The following SOX5 variants were observed in gnomAD, a reference collection of about 807,000 sequenced individuals.
SOX5 encodes transcription factor SOX-5.
A neutral mutation model predicts 92.0 loss-of-function variants in SOX5; 9 were observed. That is an observed-to-expected ratio of 0.10 (90% CI 0.06 to 0.17). The LOEUF (loss-of-function observed/expected upper bound fraction) is 0.17, where lower values mean the gene tolerates loss of function less well. Among genes scored for constraint, SOX5 ranks in the 10% least tolerant of loss-of-function variants. SOX5 has a pLI of 1.00. For missense variants in SOX5, 642 were observed against 944.5 expected, an observed-to-expected ratio of 0.68 and a Z score of 4.20; for synonymous variants, 344 against 336.3, an observed-to-expected ratio of 1.02 and a Z score of -0.25.
intron 3 of SOX5, among the ~76,000 whole-genome samples, chr12:24,253,972 C>G (rs1270329173): frequency 1.3e-5 from 2 of 152,080 alleles, no homozygotes; most frequent in Non-Finnish European, 1.5e-5. Context: ...ATAGTAAGTA[C>G]CTCACTGTTT....
At chr12:24,410,485 T>C (rs369648389) in intron 1 of SOX5, among the ~76,000 whole-genome samples, 207 of 152,348 alleles carry the variant, frequency 1.4e-3, no homozygotes, top group Non-Finnish European at 2.5e-3. Flanking sequence ...TTTGCATAAG[T>C]TATAAGACGT....
At position 24,179,488 on chromosome 12, in the gene SOX5, C is replaced by G. The variant is rs146343899; in HGVS notation, c.-2+33855G>C. Among the ~76,000 whole-genome samples the G allele has an allele frequency of 2.0e-5, 3 of 152,290 alleles. No homozygotes were observed. The East Asian group carries it at 5.8e-4, about 29-fold the overall frequency. Reference sequence around the variant, plus strand: ...GTGAGCTGTAGCTCCTAGTCAACCACGCAACCATGAGGGTAAACAACTAAG... The same window carrying G: ...GTGAGCTGTAGCTCCTAGTCAACCAGGCAACCATGAGGGTAAACAACTAAG... On this transcript the variant is annotated intron_variant, in intron 4 of 4. Coordinates refer to the SOX5 transcript ENST00000446891.
chr12:23,582,380 T>C (rs1950165788), intron 9 of SOX5: 2 of 623,372 alleles, frequency 3.2e-6, no homozygotes, highest in East Asian at 2.8e-4. Flanking sequence ...AAGGTTTATA[T>C]TTACGTGCAA....
intron 1 of SOX5, among the ~76,000 whole-genome samples, chr12:24,528,506 A>C (rs1950908597): frequency 6.6e-6 from 1 of 152,250 alleles, no homozygotes; most frequent in Non-Finnish European, 1.5e-5. Context: ...CCACAAGGGG[A>C]AAAAGAAAAC....
At chr12:23,731,438 G>A (rs935291288) in intron 6 of SOX5, among the ~76,000 whole-genome samples, 7 of 152,016 alleles carry the variant, frequency 4.6e-5, no homozygotes, top group African/African-American at 1.7e-4. Context: ...TCATTTTGGG[G>A]AGCCCTGAGT....
intron 4 of SOX5, among the ~76,000 whole-genome samples, chr12:24,099,717 C>A (rs1017548581): frequency 6.6e-6 from 1 of 152,056 alleles, no homozygotes; most frequent in African/African-American, 2.4e-5. Context: ...AGCCACTATC[C>A]TATTGGTTTC....
chr12:24,512,641 T>C (rs1949428050), intron 1 of SOX5, among the ~76,000 whole-genome samples: 1 of 152,182 alleles, frequency 6.6e-6, no homozygotes, highest in African/African-American at 2.4e-5. Flanking sequence ...AGAGCCAGAT[T>C]CTAGTCTTAA....
At chr12:24,100,292 C>G (rs547463939) in intron 4 of SOX5, among the ~76,000 whole-genome samples, 2 of 152,136 alleles carry the variant, frequency 1.3e-5, no homozygotes, top group Admixed American at 1.3e-4. Flanking sequence ...TCTCCACTTC[C>G]AAACCACCCA....
At chr12:23,666,490 A>G (rs1478429696) in intron 6 of SOX5, among the ~76,000 whole-genome samples, 1 of 152,198 alleles carries the variant, frequency 6.6e-6, no homozygotes, top group East Asian at 1.9e-4. Context: ...GAGATTTGTC[A>G]CTAACTAAAA....
chr12:23,911,064 T>C (rs542445977), intron 1 of SOX5, among the ~76,000 whole-genome samples: 4 of 152,046 alleles, frequency 2.6e-5, no homozygotes, highest in Non-Finnish European at 2.9e-5. Context: ...AAGCATATAA[T>C]AAATAATACC....
In SOX5 at chr12:23,850,748, C is replaced by G. The variant is rs562172458; in HGVS notation, c.271-4555G>C. 3.3e-5 allele frequency among the ~76,000 whole-genome samples: 5 copies of G among 152,144 alleles called. No individual in the cohort carries two copies. In the South Asian group the frequency reaches 1.0e-3, roughly 32 times the overall value. On this transcript the variant is annotated intron_variant, in intron 2 of 14. Transcript: ENST00000451604. ...AAAATAATTTTTCATAAAATGTCTG[C>G]ACGAAACCCTAAACCACACTTACTC...
At chr12:23,665,416 T>C (rs1159517094) in intron 7 of SOX5, 28 bp downstream of exon 7, 3 of 1,612,260 alleles carry the variant, frequency 1.9e-6, no homozygotes, top group Admixed American at 1.7e-5. Context: ...CTCCACCCAC[T>C]CCCAGATGAA....
At chr12:24,538,336 T>C (rs1566422080) in intron 1 of SOX5, among the ~76,000 whole-genome samples, 1 of 151,932 alleles carries the variant, frequency 6.6e-6, no homozygotes, top group African/African-American at 2.4e-5. Flanking sequence ...ATGAGACTCT[T>C]AAAAAAAAGT....
At chr12:23,852,439 T>G (rs993775664) in intron 2 of SOX5, among the ~76,000 whole-genome samples, 1 of 152,164 alleles carries the variant, frequency 6.6e-6, no homozygotes, top group Non-Finnish European at 1.5e-5. Flanking sequence ...AAACATTTCT[T>G]ATGTATTTTG....
chr12:23,651,726 G>A (rs902374028), intron 7 of SOX5, among the ~76,000 whole-genome samples: 3 of 151,892 alleles, frequency 2.0e-5, no homozygotes, highest in Non-Finnish European at 2.9e-5. Context: ...TATAAAATAC[G>A]AAGTAGAAAA....
chr12:23,615,382 T>G (rs1475329443), intron 8 of SOX5, among the ~76,000 whole-genome samples: 1 of 152,200 alleles, frequency 6.6e-6, no homozygotes, highest in Non-Finnish European at 1.5e-5. Context: ...GGGGTACATG[T>G]GCAGGCTTGT....
intron 4 of SOX5, among the ~76,000 whole-genome samples, chr12:24,203,461 C>T (rs1315599615): frequency 6.6e-6 from 1 of 152,182 alleles, no homozygotes; most frequent in Non-Finnish European, 1.5e-5. Context: ...CTTCTAGGCC[C>T]TCTCAGCAGA....
rs768612625 is a variant in SOX5, at chr12:23,640,793, G to C, written c.1017+19C>G. Reference sequence around the variant, plus strand: ...TATTTACTTAACCTTTGTCTCCTCTGTATTGTTTCCTGACTTACCTGCAGT... The same window carrying C: ...TATTTACTTAACCTTTGTCTCCTCTCTATTGTTTCCTGACTTACCTGCAGT... On this transcript the variant is annotated intron_variant, in intron 8 of 14. Coordinates refer to ENST00000451604, the MANE Select transcript of SOX5 (RefSeq NM_006940.6). 5 of 1,583,242 alleles carry C rather than the reference G, an allele frequency of 3.2e-6. No homozygotes were observed. The African/African-American group carries it at 5.4e-5, about 17-fold the overall frequency.
At chr12:23,914,288 T>A (rs539051191) in intron 1 of SOX5, among the ~76,000 whole-genome samples, 51 of 152,302 alleles carry the variant, frequency 3.3e-4, no homozygotes, top group African/African-American at 1.2e-3. Context: ...TCCACTGTTA[T>A]AAAAGTAGAA....
Sources: gnomAD v4.1 joint callset for allele counts (sites outside exome capture counted in the v4.1 genomes callset) on GRCh38, gnomAD v4.1.1 for gene constraint, MANE v1.5 for transcripts, NCBI Gene and HGNC (gene_info 2026-07-23, HGNC 2026-07-21) for gene names.